The following MYO18B variants were observed in gnomAD, a reference collection of about 807,000 sequenced individuals.
MYO18B encodes the protein unconventional myosin-XVIIIb.
A neutral mutation model predicts 273.0 loss-of-function variants in MYO18B; 204 were observed. That is an observed-to-expected ratio of 0.75 (90% CI 0.67 to 0.84). The LOEUF is 0.84. Among genes scored for constraint, MYO18B ranks in the 40% least tolerant of loss-of-function variants. The probability of loss-of-function intolerance (pLI) is 0.00; values close to 1 mark genes in which losing one functional copy is unlikely to be tolerated. For missense variants in MYO18B, 3,212 were observed against 3,287.6 expected, an observed-to-expected ratio of 0.98 and a Z score of 0.56; for synonymous variants, 1,330 against 1,305.7, an observed-to-expected ratio of 1.02 and a Z score of -0.40.
chr22:26,041,860 C>T, the MYO18B span, among the ~76,000 whole-genome samples: 1 of 152,220 alleles, frequency 6.6e-6, no homozygotes. Flanking sequence ...CACAACCTGG[C>T]AGATGACCTC....
At chr22:26,000,809 G>A (rs533739645) in intron 40 of MYO18B, among the ~76,000 whole-genome samples, 38 of 152,290 alleles carry the variant, frequency 2.5e-4, no homozygotes, top group Admixed American at 4.6e-4. Flanking sequence ...GGTGTGGACA[G>A]TATTTCATCA....
intron 10 of MYO18B, among the ~76,000 whole-genome samples, chr22:25,782,194 T>G (rs1189871228): frequency 6.6e-6 from 1 of 152,190 alleles, no homozygotes; most frequent in African/African-American, 2.4e-5. Flanking sequence ...GCATAGACCT[T>G]ATAGGATTAA....
rs190420142 is a variant in MYO18B at position 25,849,454 on chromosome 22, T to C, written c.3775+1802T>C. ...ACACAGATACGTCAAATATTTATTA[T>C]TTGGAATCTGTGCATATATAATATA... On this transcript the variant is annotated intron_variant, in intron 20 of 43. Transcript: ENST00000335473. 5.6e-3 allele frequency among the ~76,000 whole-genome samples: 854 copies of C among 152,278 alleles called. 6 individuals carry two copies. Among genetic ancestry groups the C allele is most frequent in the African/African-American group, 0.017 (716 of 41,550 alleles).
At chr22:25,874,499 G>A in intron 23 of MYO18B, 85 bp downstream of exon 23, 2 of 1,504,018 alleles carry the variant, frequency 1.3e-6, no homozygotes, top group South Asian at 2.5e-5. Flanking sequence ...GATGATACCG[G>A]TGCACCGGGT....
chr22:25,814,479 T>C (rs1601777672), intron 12 of MYO18B, among the ~76,000 whole-genome samples: 1 of 151,928 alleles, frequency 6.6e-6, no homozygotes, highest in Admixed American at 6.6e-5. Context: ...TCTAAGAGCT[T>C]TGGCTACTTC....
intron 39 of MYO18B, among the ~76,000 whole-genome samples, chr22:25,981,059 G>C (rs2093143560): frequency 6.6e-6 from 1 of 152,096 alleles, no homozygotes; most frequent in African/African-American, 2.4e-5. Context: ...TCTTCCCTCT[G>C]AGTGTATCTC....
intron 39 of MYO18B, chr22:25,964,227 G>A (rs1191105891): frequency 6.5e-6 from 1 of 152,882 alleles, no homozygotes; most frequent in Non-Finnish European, 1.5e-5. Flanking sequence ...ATCAACCCTG[G>A]CGATCAACAG....
rs539464676 is a variant in MYO18B, at chr22:25,773,676, G to T, written c.1869+1166G>T. Among the ~76,000 whole-genome samples the T allele has an allele frequency of 5.3e-5, 8 of 152,286 alleles. No individual in the cohort carries two copies. In the South Asian group the frequency reaches 1.7e-3, roughly 32 times the overall value. On this transcript the variant is annotated intron_variant, in intron 7 of 43. Coordinates refer to ENST00000335473, the MANE Select transcript of MYO18B (RefSeq NM_032608.7). ...GATGGGGTTTCACCGTGTTAGCCAG[G>T]ATGGGCTCGATCTCCTGAGCTCGTG...
At chr22:25,839,886 C>T (rs536020493) in intron 17 of MYO18B, among the ~76,000 whole-genome samples, 1 of 152,330 alleles carries the variant, frequency 6.6e-6, no homozygotes, top group South Asian at 2.1e-4. Context: ...CCTCCTGGTT[C>T]TGTAGGATGG....
At chr22:25,791,078 C>T (rs544648838) in intron 11 of MYO18B, among the ~76,000 whole-genome samples, 1 of 152,364 alleles carries the variant, frequency 6.6e-6, no homozygotes, top group Non-Finnish European at 1.5e-5. Flanking sequence ...AATAACTCAA[C>T]TGGGTCTCAC....
Position 25,768,161 on chromosome 22 carries a change from GC to G in MYO18B, c.246del (p.Thr83ProfsTer38), listed in dbSNP as rs2086572850. 6.2e-7 allele frequency: 1 copy of G among 1,611,298 alleles called. No individual in the cohort carries two copies. The highest frequency in any genetic ancestry group is 1.3e-5 in the African/African-American group (1 of 74,824). On this transcript the variant is annotated frameshift_variant, in exon 4 of 44. Coordinates refer to ENST00000335473, the MANE Select transcript of MYO18B (RefSeq NM_032608.7). LOFTEE classifies it high-confidence loss of function. ...ISQPNSKSSSGTRSGSQQISQ... is the reference protein window; with the variant it reads ...ISQPNSKSSSXTRSGSQQISQ... ...CAACCCAACAGCAAGTCCAGCAGTG[GC>G]ACCAGATCTGGAAGCCAGCAGATCT...
chr22:25,775,060 C>A (rs892477981), intron 7 of MYO18B, among the ~76,000 whole-genome samples: 2 of 152,228 alleles, frequency 1.3e-5, no homozygotes, highest in African/African-American at 4.8e-5. Flanking sequence ...TCTTCCTTCT[C>A]CCCCTAGGCA....
the MYO18B span, among the ~76,000 whole-genome samples, chr22:26,039,745 T>A: frequency 6.6e-6 from 1 of 152,160 alleles, no homozygotes; most frequent in African/African-American, 2.4e-5. Flanking sequence ...CTGAGCAGTG[T>A]ACACTGTACC....
intron 9 of MYO18B, 71 bp from the exon 10 acceptor site, chr22:25,781,663 G>C: frequency 3.1e-6 from 3 of 975,784 alleles, no homozygotes; most frequent in Non-Finnish European, 4.2e-6. Flanking sequence ...GGGGCTTCTG[G>C]GTAGCTGCAC....
chr22:25,807,579 C>T (rs1192903092), intron 12 of MYO18B, among the ~76,000 whole-genome samples: 1 of 152,164 alleles, frequency 6.6e-6, no homozygotes, highest in Admixed American at 6.5e-5. Flanking sequence ...CATGTGGTCT[C>T]AGGTCTCTCC....
At chr22:25,863,096 T>G (rs1396912440) in intron 21 of MYO18B, among the ~76,000 whole-genome samples, 1 of 152,238 alleles carries the variant, frequency 6.6e-6, no homozygotes, top group African/African-American at 2.4e-5. Context: ...GATCTGTTGT[T>G]GAGTCCCTTT....
chr22:25,973,921 A>G (rs185254919), intron 39 of MYO18B, among the ~76,000 whole-genome samples: 2 of 152,302 alleles, frequency 1.3e-5, no homozygotes, highest in African/African-American at 2.4e-5. Context: ...AAATAGTAAT[A>G]CATACTCATC....
At chr22:25,753,175 G>A (rs11704008) in intron 1 of MYO18B, among the ~76,000 whole-genome samples, 9 of 152,026 alleles carry the variant, frequency 5.9e-5, no homozygotes, top group African/African-American at 2.2e-4. Context: ...AGCTCAGCCC[G>A]TGGCCCCAGC....
At chr22:26,039,716 A>C in the MYO18B span, among the ~76,000 whole-genome samples, 88 of 152,004 alleles carry the variant, frequency 5.8e-4, no homozygotes, top group Non-Finnish European at 5.4e-4. Flanking sequence ...GATTTCTGAG[A>C]TTTTAGTGTA....
Sources: gnomAD v4.1 joint callset for allele counts (sites outside exome capture counted in the v4.1 genomes callset) on GRCh38, gnomAD v4.1.1 for gene constraint, MANE v1.5 for transcripts, NCBI Gene and HGNC (gene_info 2026-07-23, HGNC 2026-07-21) for gene names.